Variants in ACSM3 observed in about 807,000 individuals in gnomAD.
The protein encoded by ACSM3 is acyl-CoA synthetase medium chain family member 3, also known as acyl-coenzyme A synthetase ACSM3, mitochondrial.
ACSM3 carries 61 observed loss-of-function variants against 74.1 expected under a neutral mutation model. That is an observed-to-expected ratio of 0.82 (90% confidence interval 0.67 to 1.02). The LOEUF is 1.02. ACSM3 is among the 50% of genes least tolerant of loss of function. The probability of loss-of-function intolerance (pLI) is 0.00; values close to 1 mark genes in which losing one functional copy is unlikely to be tolerated. For missense variants in ACSM3, 660 were observed against 697.0 expected (o/e 0.95, Z 0.60); for synonymous variants, 213 against 241.5 (o/e 0.88, Z 1.09).
chr16:20,726,915 A>C (rs1339410421), intron 1 of ACSM3, among the ~76,000 whole-genome samples: 1 of 152,174 alleles, frequency 6.6e-6, no homozygotes, highest in African/African-American at 2.4e-5. Context: ...AAGTTCTTTA[A>C]ACTCTCTGAG....
In ACSM3 at chr16:20,792,276, G is replaced by A. The variant is rs138473166; in HGVS notation, c.1495G>A (p.Glu499Lys). ...ATTTGAGGTAGAAAATGCCCTGAATGAACACCCTTCAGTTGCAGAGTCAGC... is the reference window on the plus strand; with the variant it reads ...ATTTGAGGTAGAAAATGCCCTGAATAAACACCCTTCAGTTGCAGAGTCAGC... ...GPFEVENALN[E>K]HPSVAESAVV... is the part of the protein sequence containing the mutation. Residue 499 changes from glutamate (E) to lysine (K), a missense_variant, in exon 12 of 14, where the codon GAA becomes AAA. Coordinates refer to ENST00000289416, the MANE Select transcript of ACSM3 (RefSeq NM_005622.4). The A allele has an allele frequency of 2.0e-5, 33 of 1,613,974 alleles. No individual in the cohort carries two copies. Among genetic ancestry groups the A allele is most frequent in the Non-Finnish European group, 2.7e-5 (32 of 1,179,976 alleles).
At chr16:20,720,031 T>C (rs890553376) in intron 1 of ACSM3, among the ~76,000 whole-genome samples, 1 of 152,218 alleles carries the variant, frequency 6.6e-6, no homozygotes, top group Admixed American at 6.5e-5. Context: ...ACTACACCTA[T>C]GTGTGAATAA....
chr16:20,718,031 G>GA (rs1567323372), intron 1 of ACSM3, among the ~76,000 whole-genome samples: 3 of 133,482 alleles, frequency 2.2e-5, no homozygotes, highest in African/African-American at 8.2e-5. Context: ...AAGAAGAAAA[G>GA]AAAGAAGAAG....
rs889923541 is a variant in ACSM3 at position 20,792,824 on chromosome 16, C to T, written c.1554+489C>T. 1.3e-5 allele frequency: 7 copies of T among 547,396 alleles called. 1 individual carries two copies. The highest frequency in any genetic ancestry group is 1.4e-5 in the Non-Finnish European group (6 of 430,190). The allele number at this position is 547,396 out of a possible 1,614,324, so 33.9% of individuals were successfully genotyped here. The stretch of plus-strand genomic sequence containing the variant: ...ATAAGTAGAGATTTCAGGAAATAAA[C>T]TCTGAATAACACAGGTGTCCTGAAA... On this transcript the variant is annotated intron_variant, in intron 12 of 13. Transcript: ENST00000289416.
chr16:20,796,766 A>G (rs1219947787), intron 13 of ACSM3, 120 bp from the exon 14 acceptor site: 1 of 1,530,082 alleles, frequency 6.5e-7, no homozygotes, highest in South Asian at 1.3e-5. Flanking sequence ...GTTACCCAAA[A>G]CCCATTCCAA....
At chr16:20,753,166 T>C (rs1053934301) in intron 2 of ACSM3, among the ~76,000 whole-genome samples, 4 of 151,402 alleles carry the variant, frequency 2.6e-5, no homozygotes, top group African/African-American at 9.7e-5. Flanking sequence ...AAAACAAAAT[T>C]GAATCTGGAA....
chr16:20,785,660 G>T (rs1343430226), intron 8 of ACSM3, among the ~76,000 whole-genome samples: 1 of 152,098 alleles, frequency 6.6e-6, no homozygotes, highest in African/African-American at 2.4e-5. Flanking sequence ...GGAGGAGTAA[G>T]ATGAAATAGA....
At chr16:20,685,303 A>C in intron 1 of ACSM3, 1 of 1,614,228 alleles carries the variant, frequency 6.2e-7, no homozygotes, top group East Asian at 2.2e-5. Context: ...GACGTTGGCT[A>C]CACGGCGGGT....
chr16:20,778,467 C>A (rs941174869), intron 4 of ACSM3, among the ~76,000 whole-genome samples: 1 of 152,192 alleles, frequency 6.6e-6, no homozygotes, highest in African/African-American at 2.4e-5. Context: ...TAATTGCAAT[C>A]ATAGCTTATA....
chr16:20,791,718 G>C (rs1343096051), intron 10 of ACSM3, among the ~76,000 whole-genome samples: 1 of 152,126 alleles, frequency 6.6e-6, no homozygotes, highest in Non-Finnish European at 1.5e-5. Context: ...CTTGAGGTAA[G>C]GAGCTCGACA....
At chr16:20,739,006 C>A (rs1402677302) in intron 1 of ACSM3, 1 of 1,614,090 alleles carries the variant, frequency 6.2e-7, no homozygotes, top group Non-Finnish European at 8.5e-7. Flanking sequence ...CTTCTTTCTT[C>A]AAGGCAGCCT....
chr16:20,745,619 C>T (rs886811548), intron 1 of ACSM3, among the ~76,000 whole-genome samples: 2 of 151,614 alleles, frequency 1.3e-5, no homozygotes, highest in Non-Finnish European at 2.9e-5. Flanking sequence ...ATAGAGACCA[C>T]TTGGCACCTT....
intron 1 of ACSM3, among the ~76,000 whole-genome samples, chr16:20,707,579 C>T (rs1423744297): frequency 1.3e-5 from 2 of 152,224 alleles, no homozygotes; most frequent in Non-Finnish European, 2.9e-5. Context: ...ACAGGATCCA[C>T]GCCTGCTAGA....
chr16:20,776,421 T>C (rs991268435), intron 3 of ACSM3, among the ~76,000 whole-genome samples: 1 of 152,202 alleles, frequency 6.6e-6, no homozygotes, highest in African/African-American at 2.4e-5. Context: ...CAGACATGTG[T>C]TCCCCAATCT....
At chr16:20,723,548 G>A (rs1211738095) in intron 1 of ACSM3, among the ~76,000 whole-genome samples, 13 of 151,918 alleles carry the variant, frequency 8.6e-5, no homozygotes, top group East Asian at 1.9e-4. Context: ...AGCACCTGTT[G>A]TTTCCTGACT....
intron 1 of ACSM3, among the ~76,000 whole-genome samples, chr16:20,739,811 ACT>A (rs1236852301): frequency 1.4e-4 from 20 of 145,920 alleles, no homozygotes; most frequent in Admixed American, 1.1e-3. Context: ...ACAGAGCAAG[ACT>A]CTGTCTCAAA....
At chr16:20,767,671 G>A (rs2080142818) in intron 1 of ACSM3, among the ~76,000 whole-genome samples, 1 of 152,102 alleles carries the variant, frequency 6.6e-6, no homozygotes. Context: ...CTTAAGAGCA[G>A]CCTTTTCTCC....
intron 1 of ACSM3, among the ~76,000 whole-genome samples, chr16:20,747,471 G>T (rs775723941): frequency 6.6e-6 from 1 of 152,156 alleles, no homozygotes; most frequent in East Asian, 1.9e-4. Context: ...TCAAATTCAT[G>T]TATAAAAGTC....
intron 1 of ACSM3, chr16:20,679,651 T>C (rs545189609): frequency 6.6e-6 from 1 of 152,300 alleles, no homozygotes; most frequent in South Asian, 2.1e-4. Flanking sequence ...ATGCCCACAC[T>C]GTGTACATAC....
Sources: gnomAD v4.1 joint callset for allele counts (sites outside exome capture counted in the v4.1 genomes callset) on GRCh38, gnomAD v4.1.1 for gene constraint, MANE v1.5 for transcripts, NCBI Gene and HGNC (gene_info 2026-07-23, HGNC 2026-07-21) for gene names.